Variants in IL1RAPL2 observed in about 807,000 individuals in gnomAD.
The protein encoded by IL1RAPL2 is X-linked interleukin-1 receptor accessory protein-like 2.
IL1RAPL2 carries 3 observed loss-of-function variants against 44.1 expected under a neutral mutation model. That is an observed-to-expected ratio of 0.07 (90% confidence interval 0.03 to 0.18). IL1RAPL2 has a LOEUF of 0.18. Ranked by LOEUF, IL1RAPL2 falls within the 10% of genes least tolerant of loss-of-function variation. The probability of loss-of-function intolerance (pLI) is 1.00; values close to 1 mark genes in which losing one functional copy is unlikely to be tolerated. For missense variants in IL1RAPL2, 391 were observed against 496.4 expected, an observed-to-expected ratio of 0.79 and a Z score of 2.02; for synonymous variants, 181 against 178.8, an observed-to-expected ratio of 1.01 and a Z score of -0.10.
intron 2 of IL1RAPL2, among the ~76,000 whole-genome samples, chrX:105,156,586 C>G (rs1287269575): frequency 8.9e-6 from 1 of 112,341 alleles, no homozygotes; most frequent in African/African-American, 3.2e-5. Flanking sequence ...AAATGACAGA[C>G]TTTGTTGGTT....
At chrX:105,210,131 A>T (rs1556156316) in intron 3 of IL1RAPL2, among the ~76,000 whole-genome samples, 1 of 111,483 alleles carries the variant, frequency 9.0e-6, no homozygotes, top group Non-Finnish European at 1.9e-5. Context: ...TCTAACAGAC[A>T]CAAAGGCAGG....
intron 3 of IL1RAPL2, among the ~76,000 whole-genome samples, chrX:105,226,205 G>C (rs1292286269): frequency 3.6e-5 from 4 of 109,821 alleles, no homozygotes; most frequent in African/African-American, 1.3e-4. Flanking sequence ...TATGGGAATT[G>C]AGTTTGTGTA....
At chrX:104,810,181 G>A (rs1375250961) in intron 2 of IL1RAPL2, among the ~76,000 whole-genome samples, 3 of 109,356 alleles carry the variant, frequency 2.7e-5, no homozygotes, top group Admixed American at 2.0e-4. Context: ...ACCAAACACC[G>A]CATATTCTCA....
intron 2 of IL1RAPL2, among the ~76,000 whole-genome samples, chrX:104,959,405 G>A (rs1488046259): frequency 9.0e-6 from 1 of 111,535 alleles, no homozygotes; most frequent in African/African-American, 3.3e-5. Flanking sequence ...GTCCCTTACA[G>A]TTTCCGAAAT....
At chrX:105,478,578 C>A (rs1348102726) in intron 5 of IL1RAPL2, among the ~76,000 whole-genome samples, 1 of 111,214 alleles carries the variant, frequency 9.0e-6, no homozygotes, top group Non-Finnish European at 1.9e-5. Context: ...AAAACCAGTT[C>A]AATTCAATGA....
intron 6 of IL1RAPL2, among the ~76,000 whole-genome samples, chrX:105,510,869 C>T (rs1314233902): frequency 2.7e-5 from 3 of 111,495 alleles, no homozygotes; most frequent in Non-Finnish European, 3.8e-5. Context: ...AGACTTGTGA[C>T]GTACAGAACT....
At chrX:105,501,387 GC>G (rs1365607988) in intron 6 of IL1RAPL2, among the ~76,000 whole-genome samples, 2 of 111,232 alleles carry the variant, frequency 1.8e-5, no homozygotes, top group Non-Finnish European at 3.8e-5. Context: ...ACTTTGAGAG[GC>G]TGAAGTGGGC....
At chrX:105,023,850 A>G in intron 2 of IL1RAPL2, among the ~76,000 whole-genome samples, 1 of 111,568 alleles carries the variant, frequency 9.0e-6, no homozygotes, top group East Asian at 2.8e-4. Flanking sequence ...TTATCGGGGC[A>G]GGTGGTTTTT....
intron 2 of IL1RAPL2, among the ~76,000 whole-genome samples, chrX:105,029,044 C>T (rs762953687): frequency 4.6e-5 from 5 of 109,109 alleles, no homozygotes; most frequent in Admixed American, 9.8e-5. Flanking sequence ...TTGTATTTTG[C>T]TTGAGTGCAC....
intron 2 of IL1RAPL2, among the ~76,000 whole-genome samples, chrX:104,892,443 T>C (rs1459659839): frequency 1.8e-5 from 2 of 111,519 alleles, no homozygotes; most frequent in Non-Finnish European, 3.8e-5. Context: ...TTTTGGTTGG[T>C]AGTCTATTAT....
chrX:104,717,530 T>G (rs752558587), intron 2 of IL1RAPL2, among the ~76,000 whole-genome samples: 1 of 109,857 alleles, frequency 9.1e-6, no homozygotes, highest in East Asian at 2.9e-4. Context: ...AAGGTAGGCC[T>G]ATTTATTTGT....
intron 10 of IL1RAPL2, among the ~76,000 whole-genome samples, chrX:105,756,060 C>T (rs914053607): frequency 9.0e-6 from 1 of 111,456 alleles, no homozygotes; most frequent in Non-Finnish European, 1.9e-5. Context: ...TCCCTGCTCT[C>T]GAAGAGCTTA....
intron 1 of IL1RAPL2, among the ~76,000 whole-genome samples, chrX:104,622,031 G>A (rs1003829052): frequency 3.6e-5 from 4 of 110,752 alleles, no homozygotes; most frequent in African/African-American, 9.8e-5. Context: ...GTCATTTAGA[G>A]CATCTTGAAC....
chrX:105,349,887 C>G (rs923241473), intron 5 of IL1RAPL2, among the ~76,000 whole-genome samples: 1 of 111,655 alleles, frequency 9.0e-6, no homozygotes, highest in Non-Finnish European at 1.9e-5. Context: ...TTTTAGTCCA[C>G]TTTTTGAAAA....
intron 2 of IL1RAPL2, among the ~76,000 whole-genome samples, chrX:104,877,102 G>C (rs1418182261): frequency 1.8e-5 from 2 of 110,738 alleles, no homozygotes; most frequent in East Asian, 5.7e-4. Flanking sequence ...GTGTATATGT[G>C]CCACATTTTC....
At chrX:105,177,087 C>A (rs2033481418) in intron 2 of IL1RAPL2, among the ~76,000 whole-genome samples, 1 of 110,814 alleles carries the variant, frequency 9.0e-6, no homozygotes, top group Non-Finnish European at 1.9e-5. Flanking sequence ...TGCTAGGAAC[C>A]AGGCCACACA....
intron 5 of IL1RAPL2, among the ~76,000 whole-genome samples, chrX:105,352,525 G>T (rs2035164225): frequency 9.0e-6 from 1 of 110,954 alleles, no homozygotes; most frequent in African/African-American, 3.3e-5. Flanking sequence ...CACAATGGTT[G>T]AACTAGTTTA....
chrX:105,147,181 G>A (rs181819320), intron 2 of IL1RAPL2, among the ~76,000 whole-genome samples: 1 of 111,527 alleles, frequency 9.0e-6, no homozygotes, highest in Admixed American at 9.5e-5. Context: ...CAGAGACATA[G>A]TTAACATGTT....
rs187739555 is a variant in IL1RAPL2 at position 104,669,149 on chromosome X, A to G, written c.82+10154A>G. ...GTTTCTTGTGCATTTCGCCCTCCCC[A>G]AGGCTAAAGAGAATTCAAATGATTC... On this transcript the variant is annotated intron_variant, in intron 2 of 10. Coordinates refer to ENST00000372582, the MANE Select transcript of IL1RAPL2 (RefSeq NM_017416.2). 4.5e-4 allele frequency among the ~76,000 whole-genome samples: 50 copies of G among 111,393 alleles called. 1 individual carries two copies. The Admixed American group carries it at 4.6e-3, about 10-fold the overall frequency.
Sources: allele counts gnomAD v4.1 joint callset (sites outside exome capture counted in the v4.1 genomes callset), GRCh38; gene constraint gnomAD v4.1.1; transcripts MANE v1.5; gene names NCBI Gene and HGNC (gene_info 2026-07-23, HGNC 2026-07-21).